The following YEATS2 variants were observed in gnomAD, a reference collection of about 807,000 sequenced individuals.
YEATS2 encodes YEATS domain containing 2.
In YEATS2, 77 loss-of-function variants were observed where a neutral mutation model predicts 163.2. The observed-to-expected ratio is 0.47, with a 90% CI of 0.39 to 0.57. YEATS2 has a LOEUF of 0.57. Ranked by LOEUF, YEATS2 falls within the 20% of genes least tolerant of loss-of-function variation. The pLI is 0.00. For synonymous variants in YEATS2, 631 were observed against 645.1 expected (o/e 0.98, Z 0.33); for missense variants, 1,549 against 1,729.8 (o/e 0.90, Z 1.85).
Position 183,810,669 on chromosome 3 carries a change from TTC to T in YEATS2, c.*87_*88del. On this transcript the variant is annotated 3_prime_UTR_variant, in exon 31 of 31. Transcript: ENST00000305135. Reference sequence around the variant, plus strand: ...CCCTGCTGCTCGGGAAGGAGGTGGTTTCCAGTGTGACTCGGCATGTCATGGCT... The same window carrying T: ...CCCTGCTGCTCGGGAAGGAGGTGGTTCAGTGTGACTCGGCATGTCATGGCT... 7.8e-7 allele frequency: 1 copy of T among 1,285,970 alleles called. No individual in the cohort carries two copies. 79.7% of individuals were successfully genotyped at this position (1,285,970 alleles called of 1,614,324 possible). A position where few individuals can be genotyped will look rare whatever the true frequency, so the allele number is the denominator to read the frequency against.
At chr3:183,777,946 T>C (rs1211605434) in intron 19 of YEATS2, among the ~76,000 whole-genome samples, 13 of 151,832 alleles carry the variant, frequency 8.6e-5, no homozygotes, top group Admixed American at 8.5e-4. Context: ...ACCCCGTCTC[T>C]ACTAAAAATA....
chr3:183,788,577 C>G (rs1353823339), intron 20 of YEATS2, among the ~76,000 whole-genome samples: 1 of 152,232 alleles, frequency 6.6e-6, no homozygotes, highest in African/African-American at 2.4e-5. Context: ...GATTCCAAAT[C>G]TTGGCTATTG....
chr3:183,718,429 T>C, intron 3 of YEATS2, 71 bp from the exon 4 acceptor site: 5 of 1,194,914 alleles, frequency 4.2e-6, no homozygotes, highest in Non-Finnish European at 5.8e-6. Context: ...CGTTTCTTAT[T>C]TTGTGAATTG....
rs753826047 is a variant in YEATS2, at chr3:183,806,999, C to T, written c.3918C>T (p.Asn1306=). 4 of 1,614,134 alleles carry T rather than the reference C, an allele frequency of 2.5e-6. No individual in the cohort carries two copies. Among genetic ancestry groups the T allele is most frequent in the Non-Finnish European group, 3.4e-6 (4 of 1,180,014 alleles). The change falls in exon 28 of 31, where the codon AAC becomes AAT. Residue 1306 remains asparagine, a synonymous_variant. Transcript: ENST00000305135. ...ILSLSEPVKI[N]IKKEQEEKQE... is the part of the protein sequence containing the mutation. The stretch of plus-strand genomic sequence containing the variant: ...GCCTCTCCGAGCCAGTGAAGATAAA[C>T]ATCAAGAAGGAGCAGGAAGAGAAAC...
At chr3:183,710,495 T>C (rs1715087690) in intron 1 of YEATS2, among the ~76,000 whole-genome samples, 1 of 152,226 alleles carries the variant, frequency 6.6e-6, no homozygotes, top group Non-Finnish European at 1.5e-5. Context: ...CTTAATCCTC[T>C]TAAATGTGTT....
At chr3:183,715,070 T>C (rs1195205601) in intron 1 of YEATS2, 74 bp from the exon 2 acceptor site, 6 of 765,208 alleles carry the variant, frequency 7.8e-6, no homozygotes, top group Non-Finnish European at 1.3e-5. Context: ...TTGTAAGTAC[T>C]GGTATGCAGT....
chr3:183,747,954 A>G (rs1037552500), intron 9 of YEATS2, among the ~76,000 whole-genome samples: 2 of 151,522 alleles, frequency 1.3e-5, no homozygotes, highest in East Asian at 1.9e-4. Flanking sequence ...TAATTTTTAT[A>G]TTTTTAGTAG....
chr3:183,803,871 T>TA (rs774564132), intron 26 of YEATS2, 116 bp from the exon 27 acceptor site: 14,299 of 884,086 alleles, frequency 0.016, 3 homozygotes, highest in Middle Eastern at 0.02. Context: ...TTTTTTTCTT[T>TA]AAAAAAAAAA....
chr3:183,777,523 A>T lies in YEATS2; in HGVS notation c.2578-19A>T. 3 of 1,611,166 alleles carry T rather than the reference A, an allele frequency of 1.9e-6. No individual in the cohort carries two copies. The highest frequency in any genetic ancestry group is 2.5e-6 in the Non-Finnish European group (3 of 1,178,938). On this transcript the variant is annotated intron_variant, in intron 18 of 30. Transcript: ENST00000305135. ...TTAACAAATTACCGATTAGTTCTTT[A>T]TATTTTTTTCTAACTTAGGGCACAT...
chr3:183,803,153 C>A, intron 25 of YEATS2, 103 bp from the exon 26 acceptor site: 2 of 1,200,824 alleles, frequency 1.7e-6, no homozygotes, highest in Non-Finnish European at 2.4e-6. Flanking sequence ...AACATACATG[C>A]GATAAAGAGG....
chr3:183,717,311 T>G (rs768714811), intron 2 of YEATS2, among the ~76,000 whole-genome samples: 41 of 151,946 alleles, frequency 2.7e-4, no homozygotes, highest in Non-Finnish European at 4.6e-4. Context: ...TTCCTTGTCT[T>G]TCTTTCTTGT....
At chr3:183,721,801 G>A (rs1716516081) in intron 4 of YEATS2, 90 bp from the exon 5 acceptor site, 3 of 1,503,202 alleles carry the variant, frequency 2.0e-6, no homozygotes, top group African/African-American at 1.4e-5. Flanking sequence ...GCATGATCCT[G>A]TAATAGATAA....
chr3:183,780,764 CT>C (rs1723491281), intron 19 of YEATS2, among the ~76,000 whole-genome samples: 1 of 152,086 alleles, frequency 6.6e-6, no homozygotes, highest in Non-Finnish European at 1.5e-5. Flanking sequence ...GTGGATAAAT[CT>C]TTTTTATTAT....
At chr3:183,766,426 A>G (rs1721913682) in intron 15 of YEATS2, among the ~76,000 whole-genome samples, 1 of 152,252 alleles carries the variant, frequency 6.6e-6, no homozygotes, top group African/African-American at 2.4e-5. Context: ...AAAATCTCAG[A>G]TACAGACTCT....
At chr3:183,806,379 T>A (rs1324691248) in intron 27 of YEATS2, 2 of 456,506 alleles carry the variant, frequency 4.4e-6, no homozygotes, top group Non-Finnish European at 8.8e-6. Flanking sequence ...AGATCTGGCC[T>A]TGAGGTCCTC....
At chr3:183,736,892 T>G in intron 8 of YEATS2, 63 bp downstream of exon 8, 7 of 1,425,982 alleles carry the variant, frequency 4.9e-6, no homozygotes, top group Non-Finnish European at 6.8e-6. Flanking sequence ...CAATTGATCC[T>G]TGAATAGCAT....
chr3:183,755,600 G>C (rs983038140), intron 11 of YEATS2, among the ~76,000 whole-genome samples: 1 of 152,152 alleles, frequency 6.6e-6, no homozygotes, highest in African/African-American at 2.4e-5. Flanking sequence ...GCGGGAACAC[G>C]AATCTTTCTG....
intron 5 of YEATS2, among the ~76,000 whole-genome samples, chr3:183,724,076 G>A (rs185590317): frequency 6.6e-6 from 1 of 151,990 alleles, no homozygotes; most frequent in South Asian, 2.1e-4. Flanking sequence ...TTAAAAAGAG[G>A]GTAAATTCCA....
At chr3:183,732,620 C>T (rs1167495062) in intron 7 of YEATS2, among the ~76,000 whole-genome samples, 4 of 151,500 alleles carry the variant, frequency 2.6e-5, no homozygotes, top group East Asian at 2.0e-4. Flanking sequence ...AGTGCAGTGG[C>T]GCAGTCTTGG....
Sources: allele counts gnomAD v4.1 joint callset (sites outside exome capture counted in the v4.1 genomes callset), GRCh38; gene constraint gnomAD v4.1.1; transcripts MANE v1.5; gene names NCBI Gene and HGNC (gene_info 2026-07-23, HGNC 2026-07-21).